KIAA1614: variants seen among roughly 807,000 people sequenced by gnomAD.
KIAA1614 encodes KIAA1614.
In KIAA1614, 76 loss-of-function variants were observed where a neutral mutation model predicts 88.7. The ratio of observed to expected loss-of-function variants is 0.86; its 90% CI spans 0.71 to 1.04. The LOEUF is 1.04. Ranked by LOEUF, KIAA1614 falls within the 50% of genes least tolerant of loss-of-function variation. KIAA1614 has a pLI of 0.00. For synonymous variants in KIAA1614, 714 were observed against 675.5 expected (o/e 1.06, Z -0.88); for missense variants, 1,553 against 1,582.5 (o/e 0.98, Z 0.32).
rs372270858 is a variant in KIAA1614 at position 180,928,506 on chromosome 1, A to G, written c.1138A>G (p.Met380Val). 1.7e-5 allele frequency: 27 copies of G among 1,613,108 alleles called. No individual in the cohort carries two copies. The highest frequency in any genetic ancestry group is 8.0e-5 in the African/African-American group (6 of 75,068). The change falls in exon 4 of 9, where the codon ATG becomes GTG. Residue 380 changes from methionine to valine, a missense_variant. Coordinates refer to ENST00000367588, the MANE Select transcript of KIAA1614 (RefSeq NM_020950.2). ...CACGCATCTGCTGCAGCGTGCCCGCATGAAGGCCAGGACCCGGCCCCTCCG... is the reference window on the plus strand; with the variant it reads ...CACGCATCTGCTGCAGCGTGCCCGCGTGAAGGCCAGGACCCGGCCCCTCCG... Reference protein sequence around the residue: ...EATHLLQRARMKARTRPLRAS... With the variant: ...EATHLLQRARVKARTRPLRAS...
intron 3 of KIAA1614, among the ~76,000 whole-genome samples, chr1:180,920,252 T>G (rs1045558521): frequency 1.3e-5 from 2 of 152,078 alleles, no homozygotes; most frequent in East Asian, 3.9e-4. Flanking sequence ...CAGGATGGAG[T>G]GATTGATGTT....
At chr1:180,917,461 C>T (rs916559089) in intron 2 of KIAA1614, among the ~76,000 whole-genome samples, 2 of 128,280 alleles carry the variant, frequency 1.6e-5, no homozygotes, top group Non-Finnish European at 3.5e-5. Flanking sequence ...TGAGGGCCCT[C>T]TGGTGGGGCA....
At chr1:180,923,041 T>G (rs1653989162) in intron 3 of KIAA1614, among the ~76,000 whole-genome samples, 1 of 152,172 alleles carries the variant, frequency 6.6e-6, no homozygotes, top group Non-Finnish European at 1.5e-5. Context: ...TTATGAAGAA[T>G]GTTATAAAAG....
Position 180,944,438 on chromosome 1 carries a change from A to G in KIAA1614, c.3209A>G (p.His1070Arg). 1 of 1,613,966 alleles carries G rather than the reference A, an allele frequency of 6.2e-7. No homozygotes were observed. The highest frequency in any genetic ancestry group is 8.5e-7 in the Non-Finnish European group (1 of 1,179,884). ...RRKAASFQNL[H>R]SLLSSKGNRS... is the part of the protein sequence containing the mutation. ...AAAGCTGCCTCTTTTCAGAACCTCC[A>G]TTCTCTGCTGAGCAGCAAGGGGAAC... is the stretch of plus-strand genomic sequence containing the variant. Residue 1070 changes from histidine (H) to arginine (R), a missense_variant, in exon 8 of 9, where the codon CAT (histidine) becomes CGT (arginine). His to Arg is a conservative substitution (Grantham distance 29). Coordinates refer to ENST00000367588, the MANE Select transcript of KIAA1614 (RefSeq NM_020950.2).
chr1:180,934,672 C>T (rs923167137), intron 4 of KIAA1614, among the ~76,000 whole-genome samples: 4 of 152,196 alleles, frequency 2.6e-5, no homozygotes, highest in Admixed American at 6.5e-5. Context: ...ATCCTGTTCC[C>T]GTGACAGCAT....
At chr1:180,928,814 G>A (rs887294643) in intron 4 of KIAA1614, among the ~76,000 whole-genome samples, 1 of 150,752 alleles carries the variant, frequency 6.6e-6, no homozygotes, top group African/African-American at 2.4e-5. Flanking sequence ...TCCCTGGGGG[G>A]ATGGAGGTCA....
intron 6 of KIAA1614, 140 bp downstream of exon 6, chr1:180,938,851 C>A: frequency 1.4e-6 from 1 of 703,642 alleles, no homozygotes; most frequent in Non-Finnish European, 2.3e-6. Context: ...TGTGAACAAG[C>A]CTGGCAGCCC....
chr1:180,945,612 A>G lies in KIAA1614; in HGVS notation c.*24A>G. The stretch of plus-strand genomic sequence containing the variant: ...GAGCCGTGCAGCTCTGGGAATTCAG[A>G]AAGCCTCTGACTACAGGACTAGGCT... On this transcript the variant is annotated 3_prime_UTR_variant, in exon 9 of 9. Transcript: ENST00000367588. The G allele has an allele frequency of 6.3e-7, 1 of 1,578,370 alleles. No homozygotes were observed. The highest frequency in any genetic ancestry group is 8.6e-7 in the Non-Finnish European group (1 of 1,168,262).
At position 180,943,548 on chromosome 1, in the gene KIAA1614, A is replaced by ATTT. The variant is rs201999726; in HGVS notation, c.3160-840_3160-839insTTT. Among the ~76,000 whole-genome samples, 25 of 74,888 alleles carry ATTT rather than the reference A, an allele frequency of 3.3e-4. 7 individuals are homozygous for ATTT. Among genetic ancestry groups the ATTT allele is most frequent in the African/African-American group, 5.6e-4 (10 of 17,738 alleles). 49.1% of individuals were successfully genotyped at this position (74,888 alleles called of 152,430 possible). On this transcript the variant is annotated intron_variant, in intron 7 of 8. Transcript: ENST00000367588. ...GGATTGTAGGATTGAATGGTAGTAG[A>ATTT]TCTTTTTTTTTTTTTTTTGAGACAG... is the stretch of plus-strand genomic sequence containing the variant.
At chr1:180,940,522 CTGAA>C (rs1303529124) in intron 6 of KIAA1614, among the ~76,000 whole-genome samples, 1 of 152,074 alleles carries the variant, frequency 6.6e-6, no homozygotes, top group African/African-American at 2.4e-5. Flanking sequence ...AAAATATACA[CTGAA>C]TGAATGATTG....
rs1654685444 is a variant in KIAA1614 at position 180,949,604 on chromosome 1, T to C, written c.*4016T>C. On this transcript the variant is annotated 3_prime_UTR_variant, in exon 9 of 9. Coordinates refer to ENST00000367588, the MANE Select transcript of KIAA1614 (RefSeq NM_020950.2). ...GAGAAGCTAGTTCCCGCAGGCTGGC[T>C]CTTGGCACCTTCTAGACCCAGGCAG... is the stretch of plus-strand genomic sequence containing the variant. 1 of 152,270 alleles carries C rather than the reference T, an allele frequency of 6.6e-6. No homozygotes were observed. The highest frequency in any genetic ancestry group is 2.4e-5 in the African/African-American group (1 of 41,434). The allele number at this position is 152,270 out of a possible 1,614,324, so 9.4% of individuals were successfully genotyped here. A position where few individuals can be genotyped will look rare whatever the true frequency, so the allele number is the denominator to read the frequency against.
chr1:180,925,957 T>A (rs1654058868), intron 3 of KIAA1614, among the ~76,000 whole-genome samples: 1 of 151,968 alleles, frequency 6.6e-6, no homozygotes, highest in South Asian at 2.1e-4. Flanking sequence ...GCACTGTGAG[T>A]CCTCTCCCCT....
chr1:180,948,747 A>AGTCAGGATGGCAGATGTACTCT lies in KIAA1614; in HGVS notation c.*3166_*3187dup, dbSNP rs1654657321. The stretch of plus-strand genomic sequence containing the variant: ...AGGGCTGAGGGAAAACGCCTTGTAC[A>AGTCAGGATGGCAGATGTACTCT]GTCAGGATGGCAGATGTACTCTGTC... On this transcript the variant is annotated 3_prime_UTR_variant, in exon 9 of 9. Coordinates refer to ENST00000367588, the MANE Select transcript of KIAA1614 (RefSeq NM_020950.2). 1 of 152,294 alleles carries AGTCAGGATGGCAGATGTACTCT rather than the reference A, an allele frequency of 6.6e-6. No homozygotes were observed. The highest frequency in any genetic ancestry group is 2.1e-4 in the South Asian group (1 of 4,838). 9.4% of individuals were successfully genotyped at this position (152,294 alleles called of 1,614,324 possible).
At position 180,948,284 on chromosome 1, in the gene KIAA1614, C is replaced by G. The variant is rs1654644055; in HGVS notation, c.*2696C>G. On this transcript the variant is annotated 3_prime_UTR_variant, in exon 9 of 9. Transcript: ENST00000367588. ...GGCTGTGAGGAGGGCTGGCTTGCGCCCCGCACTGAACCGGCAGGATGCTGG... is the reference window on the plus strand; with the variant it reads ...GGCTGTGAGGAGGGCTGGCTTGCGCGCCGCACTGAACCGGCAGGATGCTGG... The G allele has an allele frequency of 6.6e-6, 1 of 152,260 alleles. No individual in the cohort carries two copies. Among genetic ancestry groups the G allele is most frequent in the African/African-American group, 2.4e-5 (1 of 41,472 alleles). The allele number at this position is 152,260 out of a possible 1,614,324, so 9.4% of individuals were successfully genotyped here.
intron 3 of KIAA1614, among the ~76,000 whole-genome samples, chr1:180,922,640 T>C (rs749777217): frequency 3.9e-5 from 6 of 152,190 alleles, no homozygotes; most frequent in Admixed American, 2.6e-4. Context: ...TTAATTAGCA[T>C]TTTTGGAAAC....
At chr1:180,927,456 C>T (rs1230170698) in intron 3 of KIAA1614, among the ~76,000 whole-genome samples, 3 of 152,234 alleles carry the variant, frequency 2.0e-5, no homozygotes, top group Admixed American at 1.3e-4. Context: ...TTGCAATTGA[C>T]GTTCGACCTT....
At position 180,936,312 on chromosome 1, in the gene KIAA1614, G is replaced by T. The variant is rs3795504; in HGVS notation, c.2403G>T (p.Leu801Phe). The change falls in exon 5 of 9, where the codon TTG (leucine) becomes TTT (phenylalanine). Residue 801 changes from leucine to phenylalanine, a missense_variant. Leu to Phe is a conservative substitution (Grantham distance 22). Coordinates refer to ENST00000367588, the MANE Select transcript of KIAA1614 (RefSeq NM_020950.2). ...PHQAWQPTAS[L>F]CPEGWAPTPP... ...AAGCCTGGCAGCCAACAGCTTCCTT[G>T]TGTCCTGAAGGCTGGGCGCCAACCC... The T allele has an allele frequency of 0.45, 725,725 of 1,613,918 alleles. 164,964 individuals carry two copies. The highest frequency in any genetic ancestry group is 0.53 in the South Asian group (47,881 of 91,082).
In KIAA1614 at chr1:180,916,449, C is replaced by T. The variant is rs1653801285; in HGVS notation, c.346C>T (p.Pro116Ser). 1.2e-6 allele frequency: 2 copies of T among 1,614,072 alleles called. No individual in the cohort carries two copies. Among genetic ancestry groups the T allele is most frequent in the South Asian group, 1.1e-5 (1 of 91,094 alleles). The change falls in exon 2 of 9, where the codon CCC (proline) becomes TCC (serine). Residue 116 changes from proline (P) to serine (S), a missense_variant. Physicochemically the swap from Pro to Ser is moderately conservative, Grantham distance 74. Transcript: ENST00000367588. Reference sequence around the variant, plus strand: ...CCAAGAGTGGTCATCCCCCAAGAAACCCCAATGCAGACGAGGCAAGGCAGG... The same window carrying T: ...CCAAGAGTGGTCATCCCCCAAGAAATCCCAATGCAGACGAGGCAAGGCAGG... ...ASQEWSSPKK[P>S]QCRRGKAGRA...
At chr1:180,926,751 T>G (rs1020378958) in intron 3 of KIAA1614, among the ~76,000 whole-genome samples, 1 of 152,178 alleles carries the variant, frequency 6.6e-6, no homozygotes. Flanking sequence ...AACCTCATTA[T>G]CTCTGCTGTC....
Sources: gnomAD v4.1 joint callset for allele counts (sites outside exome capture counted in the v4.1 genomes callset) on GRCh38, gnomAD v4.1.1 for gene constraint, MANE v1.5 for transcripts, NCBI Gene and HGNC (gene_info 2026-07-23, HGNC 2026-07-21) for gene names.